GLRA3: variants seen among roughly 807,000 people sequenced by gnomAD.
GLRA3 encodes the protein glycine receptor alpha 3, also known as glycine receptor subunit alpha-3.
A neutral mutation model predicts 60.4 loss-of-function variants in GLRA3; 44 were observed. The observed-to-expected ratio is 0.73, with a 90% CI of 0.57 to 0.94. The LOEUF (loss-of-function observed/expected upper bound fraction) is 0.94. Among genes scored for constraint, GLRA3 ranks in the 40% least tolerant of loss-of-function variants. The probability of loss-of-function intolerance (pLI) is 0.00; values close to 1 mark genes in which losing one functional copy is unlikely to be tolerated. For missense variants in GLRA3, 508 were observed against 564.6 expected (o/e 0.90, Z 1.02); for synonymous variants, 223 against 192.9 (o/e 1.16, Z -1.29).
intron 5 of GLRA3, among the ~76,000 whole-genome samples, chr4:174,697,316 A>C (rs1271995365): frequency 1.3e-5 from 2 of 152,156 alleles, no homozygotes; most frequent in Non-Finnish European, 2.9e-5. Flanking sequence ...TTCTAGTTTG[A>C]CCCAGTTTGC....
chr4:174,686,675 T>C (rs1734564614), intron 5 of GLRA3, among the ~76,000 whole-genome samples: 1 of 152,188 alleles, frequency 6.6e-6, no homozygotes, highest in Non-Finnish European at 1.5e-5. Flanking sequence ...TTCTGTGATA[T>C]CTACCTAGGC....
chr4:174,763,787 G>A (rs1363262903), intron 3 of GLRA3, among the ~76,000 whole-genome samples: 1 of 152,160 alleles, frequency 6.6e-6, no homozygotes, highest in Non-Finnish European at 1.5e-5. Context: ...TTCCCAAACA[G>A]TAATGATGGT....
intron 5 of GLRA3, among the ~76,000 whole-genome samples, chr4:174,701,421 C>T (rs1379225279): frequency 2.6e-5 from 4 of 152,170 alleles, no homozygotes; most frequent in Admixed American, 2.0e-4. Context: ...TTAACCCAGT[C>T]AACCAAGAGC....
At chr4:174,691,939 G>A (rs1337974789) in intron 5 of GLRA3, among the ~76,000 whole-genome samples, 1 of 151,902 alleles carries the variant, frequency 6.6e-6, no homozygotes, top group East Asian at 2.0e-4. Flanking sequence ...TCCCATCTAG[G>A]AAGTGAGGAG....
chr4:174,798,545 T>C (rs1561126229), intron 1 of GLRA3, among the ~76,000 whole-genome samples: 1 of 152,182 alleles, frequency 6.6e-6, no homozygotes, highest in African/African-American at 2.4e-5. Context: ...ATCATTGCAG[T>C]GAAGACACTA....
In GLRA3 at chr4:174,759,772, C is replaced by T. The variant is rs138717858; in HGVS notation, c.267+7191G>A. 4.8e-3 allele frequency among the ~76,000 whole-genome samples: 735 copies of T among 152,162 alleles called. 2 individuals carry two copies. The highest frequency in any genetic ancestry group is 0.017 in the African/African-American group (692 of 41,528). The stretch of plus-strand genomic sequence containing the variant: ...GAAACCGACCCATTAAATTTCATTA[C>T]AAATTATTGGAAGTAATTATTCAAT... On this transcript the variant is annotated intron_variant, in intron 3 of 9. Transcript: ENST00000274093.
chr4:174,719,151 G>A (rs1329845391), intron 4 of GLRA3, among the ~76,000 whole-genome samples: 2 of 151,126 alleles, frequency 1.3e-5, no homozygotes, highest in Non-Finnish European at 2.9e-5. Flanking sequence ...TTTTAGTAGA[G>A]ACGGGGTTTC....
intron 5 of GLRA3, among the ~76,000 whole-genome samples, chr4:174,705,321 A>G (rs1211773675): frequency 6.9e-6 from 1 of 143,976 alleles, no homozygotes; most frequent in Non-Finnish European, 1.5e-5. Flanking sequence ...TGGCAGCTTC[A>G]TTTTGGATTT....
At chr4:174,753,764 G>T (rs1313509427) in intron 3 of GLRA3, among the ~76,000 whole-genome samples, 1 of 152,146 alleles carries the variant, frequency 6.6e-6, no homozygotes, top group Non-Finnish European at 1.5e-5. Context: ...AAAGAGAAGA[G>T]TTGAATTTGA....
intron 3 of GLRA3, among the ~76,000 whole-genome samples, chr4:174,759,007 T>C (rs1454528907): frequency 6.6e-6 from 1 of 152,112 alleles, no homozygotes; most frequent in Non-Finnish European, 1.5e-5. Flanking sequence ...GAAAGTATGG[T>C]AGAGAGAACT....
chr4:174,659,549 A>T lies in GLRA3; in HGVS notation c.928-352T>A, dbSNP rs538401717. On this transcript the variant is annotated intron_variant, in intron 7 of 9. Transcript: ENST00000274093. The stretch of plus-strand genomic sequence containing the variant: ...GTTCCATATTTTCATCAATTTTTTT[A>T]AAAAAATTAAAATTGTATTTATTAA... 1.1e-3 allele frequency among the ~76,000 whole-genome samples: 173 copies of T among 152,230 alleles called. 1 individual carries two copies. The highest frequency in any genetic ancestry group is 3.4e-3 in the African/African-American group (141 of 41,568).
intron 3 of GLRA3, among the ~76,000 whole-genome samples, chr4:174,757,272 TACACACACAC>T (rs10555003): frequency 6.6e-6 from 1 of 150,944 alleles, no homozygotes; most frequent in Non-Finnish European, 1.5e-5. Flanking sequence ...ATACAACATT[TACACACACAC>T]ACACACACAC....
chr4:174,725,320 T>A (rs1736282667), intron 4 of GLRA3, among the ~76,000 whole-genome samples: 2 of 152,232 alleles, frequency 1.3e-5, no homozygotes, highest in Non-Finnish European at 2.9e-5. Flanking sequence ...GCTTTCATTT[T>A]GATTATTGTA....
At chr4:174,791,130 A>C (rs1739331371) in intron 1 of GLRA3, among the ~76,000 whole-genome samples, 1 of 152,162 alleles carries the variant, frequency 6.6e-6, no homozygotes, top group Non-Finnish European at 1.5e-5. Flanking sequence ...ATGTAAGGAT[A>C]TATGTATGTA....
chr4:174,653,771 T>C (rs1403239780), intron 9 of GLRA3, among the ~76,000 whole-genome samples: 1 of 152,066 alleles, frequency 6.6e-6, no homozygotes, highest in Non-Finnish European at 1.5e-5. Context: ...AAAAGCAGCA[T>C]TTCTATTTTA....
At chr4:174,669,686 C>T (rs913092021) in intron 7 of GLRA3, among the ~76,000 whole-genome samples, 2 of 152,146 alleles carry the variant, frequency 1.3e-5, no homozygotes, top group African/African-American at 4.8e-5. Flanking sequence ...AGCAATTCTC[C>T]TGCCTCAGCC....
At chr4:174,660,947 C>A (rs1353747520) in intron 7 of GLRA3, among the ~76,000 whole-genome samples, 3 of 152,148 alleles carry the variant, frequency 2.0e-5, no homozygotes, top group African/African-American at 7.2e-5. Flanking sequence ...TTTGACAAGT[C>A]GCCCTCATTA....
rs936642314 is a variant in GLRA3, at chr4:174,794,752, C to A, written c.72-5809G>T. On this transcript the variant is annotated intron_variant, in intron 1 of 9. Coordinates refer to ENST00000274093, the MANE Select transcript of GLRA3 (RefSeq NM_006529.4). ...AACAATAATTGAGCTACTGCAATAA[C>A]TGCTTTCCTGAAATTTGATCTGATA... is the stretch of plus-strand genomic sequence containing the variant. Among the ~76,000 whole-genome samples the A allele has an allele frequency of 7.2e-5, 11 of 152,264 alleles. No individual in the cohort carries two copies. In the East Asian group the frequency reaches 2.1e-3, roughly 29 times the overall value.
chr4:174,700,072 T>A (rs114861042), intron 5 of GLRA3, among the ~76,000 whole-genome samples: 3,379 of 152,222 alleles, frequency 0.022, 107 homozygotes, highest in African/African-American at 0.077. Context: ...CCCAAGGATA[T>A]ATTAAGGCTA....
Sources: allele counts gnomAD v4.1 joint callset (sites outside exome capture counted in the v4.1 genomes callset), GRCh38; gene constraint gnomAD v4.1.1; transcripts MANE v1.5; gene names NCBI Gene and HGNC (gene_info 2026-07-23, HGNC 2026-07-21).